The following SEPTIN9 variants were observed in gnomAD, a reference collection of about 807,000 sequenced individuals.
SEPTIN9 encodes septin 9, also known as septin-9.
Under a neutral mutation model 56.6 loss-of-function variants are expected in SEPTIN9, and 13 were observed. The ratio of observed to expected loss-of-function variants is 0.23; its 90% CI spans 0.15 to 0.37. SEPTIN9 has a LOEUF of 0.37. SEPTIN9 is among the 10% of genes least tolerant of loss of function. SEPTIN9 has a pLI of 1.00. For missense variants in SEPTIN9, 650 were observed against 823.1 expected, an observed-to-expected ratio of 0.79 and a Z score of 2.57; for synonymous variants, 332 against 334.1, an observed-to-expected ratio of 0.99 and a Z score of 0.07.
At chr17:77,490,679 G>A in intron 7 of SEPTIN9, 63 bp from the exon 8 acceptor site, 1 of 1,270,190 alleles carries the variant, frequency 7.9e-7, no homozygotes, top group Non-Finnish European at 1.1e-6. Context: ...CCTGCTTGGG[G>A]GTGGGTGCCC....
intron 1 of SEPTIN9, among the ~76,000 whole-genome samples, chr17:77,290,687 C>T (rs1377287596): frequency 4.0e-5 from 6 of 149,762 alleles, no homozygotes; most frequent in African/African-American, 7.3e-5. Context: ...CAGTGGCGGG[C>T]GCCTGTAGTC....
chr17:77,485,155 GTGAT>G (rs1568112749), intron 4 of SEPTIN9, among the ~76,000 whole-genome samples: 2 of 4,366 alleles, frequency 4.6e-4, no homozygotes, highest in Admixed American at 1.6e-3. Flanking sequence ...TGTGATGGGG[GTGAT>G]GATGGTAATG....
chr17:77,395,510 C>CAG (rs1263800646), intron 2 of SEPTIN9, among the ~76,000 whole-genome samples: 1 of 134,962 alleles, frequency 7.4e-6, no homozygotes, highest in African/African-American at 2.8e-5. Context: ...GTCTGGGCGA[C>CAG]AGAGCGAGAC....
chr17:77,341,463 A>G (rs1260825857), intron 2 of SEPTIN9, among the ~76,000 whole-genome samples: 1 of 152,228 alleles, frequency 6.6e-6, no homozygotes, highest in Non-Finnish European at 1.5e-5. Flanking sequence ...CCCAAAAACA[A>G]CTGCAATAAT....
chr17:77,401,585 A>G (rs1194519774), intron 2 of SEPTIN9, among the ~76,000 whole-genome samples: 1 of 152,084 alleles, frequency 6.6e-6, no homozygotes, highest in Non-Finnish European at 1.5e-5. Flanking sequence ...ATCTCTACTA[A>G]AAATACAAAA....
At chr17:77,363,064 C>A (rs376083466) in intron 2 of SEPTIN9, among the ~76,000 whole-genome samples, 2 of 152,186 alleles carry the variant, frequency 1.3e-5, no homozygotes, top group Admixed American at 1.3e-4. Flanking sequence ...GGCAGGAGAT[C>A]GGCGGCCCCG....
At chr17:77,297,968 G>A (rs1358105404) in intron 1 of SEPTIN9, among the ~76,000 whole-genome samples, 1 of 152,222 alleles carries the variant, frequency 6.6e-6, no homozygotes, top group East Asian at 1.9e-4. Flanking sequence ...CTGGAAGCAA[G>A]CTTGGTGCAT....
intron 8 of SEPTIN9, 98 bp downstream of exon 8, chr17:77,490,957 G>A (rs2143391043): frequency 1.0e-6 from 1 of 966,984 alleles, no homozygotes; most frequent in African/African-American, 1.6e-5. Context: ...CACACTGTCA[G>A]GGAGACCGAA....
At position 77,319,862 on chromosome 17, in the gene SEPTIN9, A is replaced by G. The variant is rs1184935413; in HGVS notation, c.76+12665A>G. The G allele has an allele frequency of 9.1e-7, 1 of 1,095,290 alleles. No homozygotes were observed. The highest frequency in any genetic ancestry group is 1.1e-6 in the Non-Finnish European group (1 of 897,160). 67.8% of individuals were successfully genotyped at this position (1,095,290 alleles called of 1,614,324 possible). A position where few individuals can be genotyped will look rare whatever the true frequency, so the allele number is the denominator to read the frequency against. ...CTCCAAGTGGATATTAAAAAGGAGCAGCAAGCCTCGGGGCGGCGGGGGCTG... is the reference window on the plus strand; with the variant it reads ...CTCCAAGTGGATATTAAAAAGGAGCGGCAAGCCTCGGGGCGGCGGGGGCTG... On this transcript the variant is annotated intron_variant, in intron 2 of 11. Coordinates refer to ENST00000427177, the MANE Select transcript of SEPTIN9 (RefSeq NM_001113491.2). The surrounding 1 kb of genome is among the most constrained non-coding windows in gnomAD (Gnocchi z 5.3).
chr17:77,369,879 G>A lies in SEPTIN9; in HGVS notation c.77-32180G>A, dbSNP rs1444458118. On this transcript the variant is annotated intron_variant, in intron 2 of 11. Transcript: ENST00000427177. The surrounding 1 kb of genome is among the most constrained non-coding windows in gnomAD (Gnocchi z 4.9). ...TCCTCGTGGATTTCCTCCCCACTCC[G>A]TTCCCACGCTTTGTAAGCTTCATTT... Among the ~76,000 whole-genome samples the A allele has an allele frequency of 3.9e-5, 6 of 152,186 alleles. No homozygotes were observed. The highest frequency in any genetic ancestry group is 7.4e-5 in the Non-Finnish European group (5 of 68,026).
chr17:77,454,113 G>A (rs1474534198), intron 3 of SEPTIN9: 22 of 985,706 alleles, frequency 2.2e-5, no homozygotes, highest in Non-Finnish European at 2.6e-5. Flanking sequence ...GCCAGGGTAA[G>A]CTGTGGGGGC....
chr17:77,431,219 G>A (rs556880393), intron 3 of SEPTIN9, among the ~76,000 whole-genome samples: 2 of 152,210 alleles, frequency 1.3e-5, no homozygotes, highest in South Asian at 4.1e-4. Flanking sequence ...TCAGGTAGGA[G>A]GATTGCTTGA....
At chr17:77,315,836 A>G (rs1483666435) in intron 2 of SEPTIN9, among the ~76,000 whole-genome samples, 2 of 152,250 alleles carry the variant, frequency 1.3e-5, no homozygotes, top group East Asian at 3.9e-4. Flanking sequence ...CCAGGGGTCT[A>G]TGGGGGGTGA....
intron 2 of SEPTIN9, among the ~76,000 whole-genome samples, chr17:77,392,922 T>C (rs2035591679): frequency 6.6e-6 from 1 of 152,094 alleles, no homozygotes; most frequent in Admixed American, 6.5e-5. Flanking sequence ...TTTAAGCCTT[T>C]CCTTTTGGAC....
At chr17:77,432,028 T>A (rs1245953752) in intron 3 of SEPTIN9, among the ~76,000 whole-genome samples, 1 of 151,628 alleles carries the variant, frequency 6.6e-6, no homozygotes, top group African/African-American at 2.4e-5. Flanking sequence ...CAGCAGAGGG[T>A]GGACCCCAGC....
rs1451901650 is a variant in SEPTIN9, at chr17:77,400,079, C to T, written c.77-1980C>T. ...GCAACCTCTGCCTCCCGGGTTCAAG[C>T]GATTCTCCTGCCTCAGCCTCCTGAG... On this transcript the variant is annotated intron_variant, in intron 2 of 11. Coordinates refer to ENST00000427177, the MANE Select transcript of SEPTIN9 (RefSeq NM_001113491.2). This position sits in a 1 kb window ranked among gnomAD's most constrained non-coding sequence, Gnocchi z 4.1. 1.3e-5 allele frequency among the ~76,000 whole-genome samples: 2 copies of T among 152,144 alleles called. No individual in the cohort carries two copies. The highest frequency in any genetic ancestry group is 2.9e-5 in the Non-Finnish European group (2 of 68,018).
rs1262840947 is a variant in SEPTIN9 at position 77,341,943 on chromosome 17, C to G, written c.76+34746C>G. ...TAAAGATACGAAAAAAATAGCCGGGCGTGGTGGTGGGTGCCTGTAGTCCCA... is the reference window on the plus strand; with the variant it reads ...TAAAGATACGAAAAAAATAGCCGGGGGTGGTGGTGGGTGCCTGTAGTCCCA... On this transcript the variant is annotated intron_variant, in intron 2 of 11. Transcript: ENST00000427177. 4.6e-5 allele frequency among the ~76,000 whole-genome samples: 7 copies of G among 150,870 alleles called. No homozygotes were observed. The East Asian group carries it at 1.2e-3, about 25-fold the overall frequency.
chr17:77,290,449 C>T (rs1280149004), intron 1 of SEPTIN9, among the ~76,000 whole-genome samples: 2 of 151,424 alleles, frequency 1.3e-5, no homozygotes, highest in Admixed American at 6.6e-5. Flanking sequence ...TTAGTAGAGG[C>T]GGGGTTTCAC....
intron 2 of SEPTIN9, among the ~76,000 whole-genome samples, chr17:77,382,324 C>G (rs963257945): frequency 6.6e-6 from 1 of 152,244 alleles, no homozygotes. Context: ...CCACTGCGCT[C>G]GGCCTTCTCT....
Sources: gnomAD v4.1 joint callset for allele counts (sites outside exome capture counted in the v4.1 genomes callset) on GRCh38, gnomAD v4.1.1 for gene constraint, Gnocchi (gnomAD v3.1) non-coding constraint, MANE v1.5 for transcripts, NCBI Gene and HGNC (gene_info 2026-07-23, HGNC 2026-07-21) for gene names.